Variants in PCDH9 observed in about 807,000 individuals in gnomAD.
PCDH9 encodes protocadherin 9.
In PCDH9, 24 loss-of-function variants were observed where a neutral mutation model predicts 70.6. The ratio of observed to expected loss-of-function variants is 0.34; its 90% CI spans 0.25 to 0.48. The LOEUF (loss-of-function observed/expected upper bound fraction) is 0.48. Ranked by LOEUF, PCDH9 falls within the 20% of genes least tolerant of loss-of-function variation. The probability of loss-of-function intolerance (pLI) is 0.99; values close to 1 mark genes in which losing one functional copy is unlikely to be tolerated. For synonymous variants in PCDH9, 562 were observed against 558.5 expected, an observed-to-expected ratio of 1.01 and a Z score of -0.09; for missense variants, 1,281 against 1,503.6, an observed-to-expected ratio of 0.85 and a Z score of 2.45.
chr13:66,914,994 G>A (rs903713833), intron 2 of PCDH9: 6 of 151,446 alleles, frequency 4.0e-5, no homozygotes, highest in Non-Finnish European at 7.4e-5. Context: ...CCGTATTTTT[G>A]TTTTAAAATG....
At chr13:66,871,218 T>C (rs1418462222) in intron 3 of PCDH9, among the ~76,000 whole-genome samples, 19 of 137,874 alleles carry the variant, frequency 1.4e-4, no homozygotes, top group African/African-American at 5.0e-4. Context: ...AAGGGGAACA[T>C]CACACTCTGG....
chr13:66,644,916 A>G (rs2077752271), intron 3 of PCDH9, among the ~76,000 whole-genome samples: 1 of 152,126 alleles, frequency 6.6e-6, no homozygotes. Context: ...TCCTCATATT[A>G]GAAAATAATT....
chr13:66,380,716 T>G (rs1005170433), intron 4 of PCDH9, among the ~76,000 whole-genome samples: 2 of 152,006 alleles, frequency 1.3e-5, no homozygotes, highest in Non-Finnish European at 2.9e-5. Flanking sequence ...GCTAATTTTT[T>G]GTATTTTTAG....
At chr13:66,792,619 A>G (rs954784272) in intron 3 of PCDH9, among the ~76,000 whole-genome samples, 2 of 152,204 alleles carry the variant, frequency 1.3e-5, no homozygotes, top group South Asian at 2.1e-4. Flanking sequence ...CAGTGAGTCA[A>G]GATGGTGCCA....
In PCDH9 at chr13:67,024,532, G is replaced by T. The variant is rs2084741590; in HGVS notation, c.3037-120927C>A. On this transcript the variant is annotated intron_variant, in intron 2 of 4. Transcript: ENST00000377865. ...TTCTTCTTTTACTATAATTTATGCT[G>T]TTGAGGTTTTTTTCTACTTATTGTA... Among the ~76,000 whole-genome samples, 3 of 151,966 alleles carry T rather than the reference G, an allele frequency of 2.0e-5. No homozygotes were observed. In the South Asian group the frequency reaches 6.2e-4, roughly 31 times the overall value.
chr13:66,383,715 C>T lies in PCDH9; in HGVS notation c.3341-78687G>A, dbSNP rs974374927. On this transcript the variant is annotated intron_variant, in intron 4 of 4. Coordinates refer to ENST00000377865, the MANE Select transcript of PCDH9 (RefSeq NM_203487.3). ...TCTATACTCTCATTTTTCTCATACA[C>T]AATACACTATATTAATATCACCACA... 3.9e-5 allele frequency among the ~76,000 whole-genome samples: 6 copies of T among 152,280 alleles called. No individual in the cohort carries two copies. The South Asian group carries it at 1.2e-3, about 32-fold the overall frequency.
intron 2 of PCDH9, among the ~76,000 whole-genome samples, chr13:66,909,715 G>A (rs139446930): frequency 1.3e-5 from 2 of 152,316 alleles, no homozygotes; most frequent in African/African-American, 2.4e-5. Flanking sequence ...CTTGCAGTGC[G>A]CTGAGCATTT....
intron 2 of PCDH9, among the ~76,000 whole-genome samples, chr13:67,115,850 A>G (rs1467629755): frequency 6.6e-6 from 1 of 152,230 alleles, no homozygotes; most frequent in Non-Finnish European, 1.5e-5. Flanking sequence ...TTTTCATTAT[A>G]TATCAGGATG....
chr13:67,173,234 T>C (rs1162499234), intron 2 of PCDH9, among the ~76,000 whole-genome samples: 25 of 152,146 alleles, frequency 1.6e-4, no homozygotes. Context: ...TTCCCTGTAG[T>C]AATCTTGAAT....
chr13:67,148,157 G>A (rs576473566), intron 2 of PCDH9, among the ~76,000 whole-genome samples: 1 of 151,116 alleles, frequency 6.6e-6, no homozygotes, highest in South Asian at 2.1e-4. Context: ...CAGTGGCTTT[G>A]AGAATTTATA....
At chr13:66,866,030 C>T (rs1043737246) in intron 3 of PCDH9, among the ~76,000 whole-genome samples, 5 of 152,084 alleles carry the variant, frequency 3.3e-5, no homozygotes, top group Non-Finnish European at 7.4e-5. Flanking sequence ...AGCTGTGTGG[C>T]ATATTGCTTT....
In PCDH9 at chr13:66,604,554, T is replaced by C. The variant is rs937585968; in HGVS notation, c.3340+26656A>G. 3.3e-5 allele frequency among the ~76,000 whole-genome samples: 5 copies of C among 152,160 alleles called. 1 individual carries two copies. Among genetic ancestry groups the C allele is most frequent in the South Asian group, 4.1e-4 (2 of 4,828 alleles). ...TTTCCATCCAAAATTAGCATATCTT[T>C]CCTTTGTAATATGAATCTAAATAAG... On this transcript the variant is annotated intron_variant, in intron 4 of 4. Transcript: ENST00000377865.
intron 4 of PCDH9, among the ~76,000 whole-genome samples, chr13:66,569,683 A>G (rs1421280222): frequency 6.6e-6 from 1 of 152,152 alleles, no homozygotes; most frequent in Non-Finnish European, 1.5e-5. Context: ...CTATTTATGA[A>G]GAATATTCAG....
At position 67,031,236 on chromosome 13, in the gene PCDH9, G is replaced by A. The variant is rs565894126; in HGVS notation, c.3037-127631C>T. ...CAAGTTGAAAACATTCATAATTTTT[G>A]TAATCAGCAGTTATTTCTAAAATTA... On this transcript the variant is annotated intron_variant, in intron 2 of 4. Coordinates refer to ENST00000377865, the MANE Select transcript of PCDH9 (RefSeq NM_203487.3). Among the ~76,000 whole-genome samples the A allele has an allele frequency of 8.5e-5, 13 of 152,194 alleles. No homozygotes were observed. In the South Asian group the frequency reaches 2.1e-3, roughly 24 times the overall value.
At chr13:66,720,326 GTTTTTTTTTT>G (rs66600272) in intron 3 of PCDH9, among the ~76,000 whole-genome samples, 1 of 132,034 alleles carries the variant, frequency 7.6e-6, no homozygotes, top group Admixed American at 7.8e-5. Flanking sequence ...TTGCTTTTTT[GTTTTTTTTTT>G]TTTTTTGGTA....
intron 3 of PCDH9, among the ~76,000 whole-genome samples, chr13:66,763,788 G>A (rs1210042696): frequency 1.3e-5 from 2 of 151,856 alleles, no homozygotes; most frequent in Admixed American, 6.6e-5. Flanking sequence ...TAATCTATCT[G>A]TAGTTTTTTG....
chr13:66,514,128 A>G (rs1483843661), intron 4 of PCDH9, among the ~76,000 whole-genome samples: 1 of 152,098 alleles, frequency 6.6e-6, no homozygotes, highest in African/African-American at 2.4e-5. Context: ...TATGAACTCT[A>G]TATTTGCAAA....
rs1175285868 is a variant in PCDH9 at position 67,227,762 on chromosome 13, C to T, written c.679G>A (p.Gly227Arg). 2 of 1,613,648 alleles carry T rather than the reference C, an allele frequency of 1.2e-6. No individual in the cohort carries two copies. The highest frequency in any genetic ancestry group is 1.7e-6 in the Non-Finnish European group (2 of 1,179,532). The change falls in exon 2 of 5, where the codon GGA (glycine) becomes AGA (arginine). Residue 227 changes from glycine to arginine, a missense_variant. By Grantham distance (125) the Gly-to-Arg change is moderately radical. Coordinates refer to ENST00000377865, the MANE Select transcript of PCDH9 (RefSeq NM_203487.3). The surrounding 1 kb of genome is among the most constrained non-coding windows in gnomAD (Gnocchi z 4.6). ...TYVMKIKVED[G>R]GTPQKSSTAI... ...GTACTGGATTTCTGTGGAGTGCCTC[C>T]ATCCTCTACTTTGATTTTCATCACA... is the stretch of plus-strand genomic sequence containing the variant.
chr13:66,863,843 G>A (rs963540238), intron 3 of PCDH9, among the ~76,000 whole-genome samples: 3 of 151,840 alleles, frequency 2.0e-5, no homozygotes, highest in Non-Finnish European at 4.4e-5. Context: ...GTATTGGTCC[G>A]TTCTCCTGCT....
Sources: gnomAD v4.1 joint callset for allele counts (sites outside exome capture counted in the v4.1 genomes callset) on GRCh38, gnomAD v4.1.1 for gene constraint, Gnocchi (gnomAD v3.1) non-coding constraint, MANE v1.5 for transcripts, NCBI Gene and HGNC (gene_info 2026-07-23, HGNC 2026-07-21) for gene names.